CAMK4: variants seen among roughly 807,000 people sequenced by gnomAD.
CAMK4 encodes calcium/calmodulin-dependent protein kinase type IV.
In CAMK4, 22 loss-of-function variants were observed where a neutral mutation model predicts 44.9. That is an observed-to-expected ratio of 0.49 (90% CI 0.35 to 0.70). The LOEUF is 0.70. Ranked by LOEUF, CAMK4 falls within the 30% of genes least tolerant of loss-of-function variation. The probability of loss-of-function intolerance (pLI) is 0.01; values close to 1 mark genes in which losing one functional copy is unlikely to be tolerated. For synonymous variants in CAMK4, 218 were observed against 215.4 expected (o/e 1.01, Z -0.11); for missense variants, 498 against 586.8 (o/e 0.85, Z 1.56).
intron 8 of CAMK4, among the ~76,000 whole-genome samples, chr5:111,475,644 A>C (rs1183894577): frequency 1.3e-5 from 2 of 152,354 alleles, no homozygotes; most frequent in East Asian, 3.9e-4. Context: ...GTAGCCTCCA[A>C]AATGAAAATA....
intron 1 of CAMK4, among the ~76,000 whole-genome samples, chr5:111,271,110 C>G (rs1240995329): frequency 1.3e-5 from 2 of 152,280 alleles, no homozygotes; most frequent in Non-Finnish European, 2.9e-5. Context: ...CACCTCCTAC[C>G]AGGTCCCTCC....
chr5:111,337,201 C>A (rs1177324181), intron 1 of CAMK4, among the ~76,000 whole-genome samples: 1 of 151,060 alleles, frequency 6.6e-6, no homozygotes, highest in African/African-American at 2.4e-5. Flanking sequence ...TTTTTTATTT[C>A]TAGGTAGAAT....
intron 1 of CAMK4, among the ~76,000 whole-genome samples, chr5:111,332,211 C>G (rs574758381): frequency 7.3e-6 from 1 of 137,512 alleles, no homozygotes; most frequent in Non-Finnish European, 1.6e-5. Context: ...GGTATATCTC[C>G]TAATGCTATC....
At chr5:111,479,308 CATTTT>C (rs1755350847) in intron 9 of CAMK4, among the ~76,000 whole-genome samples, 1 of 152,164 alleles carries the variant, frequency 6.6e-6, no homozygotes, top group South Asian at 2.1e-4. Flanking sequence ...GTTAATAGTT[CATTTT>C]GTTTGTTTGT....
At position 111,486,498 on chromosome 5, in the gene CAMK4, GAA is replaced by G; in HGVS notation, c.*2034_*2035del. On this transcript the variant is annotated 3_prime_UTR_variant, in exon 11 of 11. Coordinates refer to ENST00000282356, the MANE Select transcript of CAMK4 (RefSeq NM_001744.6). Reference sequence around the variant, plus strand: ...CTGTTGTACTTTTTACCATGAGACTGAAACACACACACACACACACACACACA... The same window carrying G: ...CTGTTGTACTTTTTACCATGAGACTGACACACACACACACACACACACACA... 1 of 61,648 alleles carries G rather than the reference GAA, an allele frequency of 1.6e-5. No individual in the cohort carries two copies. Among genetic ancestry groups the G allele is most frequent in the African/African-American group, 5.2e-5 (1 of 19,284 alleles). 3.8% of individuals were successfully genotyped at this position (61,648 alleles called of 1,614,324 possible).
chr5:111,254,453 G>A (rs1222142997), intron 1 of CAMK4, among the ~76,000 whole-genome samples: 1 of 152,138 alleles, frequency 6.6e-6, no homozygotes, highest in Admixed American at 6.5e-5. Context: ...AAAACACAGG[G>A]AACAGACCTG....
chr5:111,484,186 A>T lies in CAMK4; in HGVS notation c.1142A>T (p.Asp381Val), dbSNP rs1275231002. 6 of 1,614,052 alleles carry T rather than the reference A, an allele frequency of 3.7e-6. No individual in the cohort carries two copies. The African/African-American group carries it at 4.0e-5, about 11-fold the overall frequency. ...CCAGAAGGAGAGAAAATTCAAGGCG[A>T]TGGGGCCCAAGCCGCAGTTAAGGGG... The part of the protein sequence containing the change: ...AIPEGEKIQG[D>V]GAQAAVKGAQ... The change falls in exon 11 of 11, where the codon GAT (aspartate) becomes GTT (valine). Residue 381 changes from aspartate to valine, a missense_variant. Asp to Val is a radical substitution (Grantham distance 152). This residue lies in a region of CAMK4 where 143 missense variants were observed against 144.9 expected (regional missense o/e 0.99). Coordinates refer to ENST00000282356, the MANE Select transcript of CAMK4 (RefSeq NM_001744.6). The surrounding 1 kb of genome is among the most constrained non-coding windows in gnomAD (Gnocchi z 5.3).
At chr5:111,459,979 C>T (rs1198121815) in intron 7 of CAMK4, among the ~76,000 whole-genome samples, 2 of 151,982 alleles carry the variant, frequency 1.3e-5, no homozygotes, top group African/African-American at 2.4e-5. Context: ...ATTCACAGTT[C>T]TGTGAGGATT....
intron 4 of CAMK4, among the ~76,000 whole-genome samples, chr5:111,379,608 T>A (rs558975827): frequency 3.3e-5 from 5 of 152,256 alleles, no homozygotes; most frequent in African/African-American, 1.2e-4. Context: ...TATTATCCAA[T>A]GTATTGATTT....
intron 9 of CAMK4, among the ~76,000 whole-genome samples, chr5:111,478,817 T>G (rs1755333107): frequency 6.6e-6 from 1 of 152,212 alleles, no homozygotes; most frequent in African/African-American, 2.4e-5. Flanking sequence ...AAACACAATT[T>G]ACACAGAATT....
chr5:111,394,527 T>C (rs1751924487), intron 4 of CAMK4, among the ~76,000 whole-genome samples, 183 bp from the exon 5 acceptor site: 1 of 152,168 alleles, frequency 6.6e-6, no homozygotes, highest in African/African-American at 2.4e-5. Context: ...AGTATTTCAT[T>C]TTCCTAAGTA....
intron 2 of CAMK4, among the ~76,000 whole-genome samples, chr5:111,356,634 T>G (rs1287361006): frequency 3.3e-5 from 5 of 152,234 alleles, no homozygotes; most frequent in Admixed American, 2.6e-4. Flanking sequence ...TTTATGGTTT[T>G]AGGTCTAACA....
chr5:111,332,654 G>T (rs2560496), intron 1 of CAMK4, among the ~76,000 whole-genome samples: 63,571 of 151,272 alleles, frequency 0.42, 13,900 homozygotes, highest in South Asian at 0.58. Flanking sequence ...TATTCTTGAT[G>T]CTATTTGAGA....
intron 7 of CAMK4, among the ~76,000 whole-genome samples, chr5:111,454,123 T>C (rs1243939833): frequency 6.6e-6 from 1 of 152,102 alleles, no homozygotes; most frequent in Non-Finnish European, 1.5e-5. Flanking sequence ...ATATTTACAA[T>C]ACAGAGACTT....
At chr5:111,320,967 A>G (rs561812077) in intron 1 of CAMK4, among the ~76,000 whole-genome samples, 1 of 152,200 alleles carries the variant, frequency 6.6e-6, no homozygotes, top group Non-Finnish European at 1.5e-5. Flanking sequence ...ATTTCCTAAT[A>G]TCAACATTGT....
chr5:111,409,957 T>A (rs1055659054), intron 5 of CAMK4, among the ~76,000 whole-genome samples: 1 of 152,184 alleles, frequency 6.6e-6, no homozygotes, highest in African/African-American at 2.4e-5. Flanking sequence ...CTTTCCCACA[T>A]CTTCCTGTCT....
At chr5:111,255,758 T>A (rs1749713450) in intron 1 of CAMK4, among the ~76,000 whole-genome samples, 1 of 152,170 alleles carries the variant, frequency 6.6e-6, no homozygotes, top group South Asian at 2.1e-4. Context: ...CATTGTATCA[T>A]CATTTTATGG....
At chr5:111,291,345 T>C (rs372445628) in intron 1 of CAMK4, among the ~76,000 whole-genome samples, 7 of 152,150 alleles carry the variant, frequency 4.6e-5, no homozygotes, top group East Asian at 3.9e-4. Context: ...GATAAATGTC[T>C]GTTGATTTTC....
chr5:111,285,973 T>C (rs1050842419), intron 1 of CAMK4, among the ~76,000 whole-genome samples: 8 of 152,180 alleles, frequency 5.3e-5, no homozygotes, highest in Non-Finnish European at 1.2e-4. Context: ...ATTGCTACCA[T>C]GCTGCCATCA....
Sources: gnomAD v4.1 joint callset for allele counts (sites outside exome capture counted in the v4.1 genomes callset) on GRCh38, gnomAD v4.1.1 for gene constraint, gnomAD v4.1.1 regional missense constraint, Gnocchi (gnomAD v3.1) non-coding constraint, MANE v1.5 for transcripts, NCBI Gene and HGNC (gene_info 2026-07-23, HGNC 2026-07-21) for gene names.